The following CEP350 variants were observed in gnomAD, a reference collection of about 807,000 sequenced individuals.
The protein encoded by CEP350 is centrosome-associated protein 350.
CEP350 carries 126 observed loss-of-function variants against 331.8 expected under a neutral mutation model. The observed-to-expected ratio is 0.38, with a 90% CI of 0.33 to 0.44. The LOEUF (loss-of-function observed/expected upper bound fraction) is 0.44, where lower values mean the gene tolerates loss of function less well. Ranked by LOEUF, CEP350 falls within the 20% of genes least tolerant of loss-of-function variation. The pLI is 1.00. For missense variants in CEP350, 3,406 were observed against 3,634.6 expected, an observed-to-expected ratio of 0.94 and a Z score of 1.62; for synonymous variants, 1,200 against 1,259.5, an observed-to-expected ratio of 0.95 and a Z score of 1.00.
At chr1:180,065,491 G>A (rs1319239611) in intron 27 of CEP350, among the ~76,000 whole-genome samples, 3 of 151,900 alleles carry the variant, frequency 2.0e-5, no homozygotes, top group African/African-American at 4.8e-5. Context: ...TTAAAAAACC[G>A]AAAAACAAGG....
intron 1 of CEP350, among the ~76,000 whole-genome samples, chr1:179,974,101 AT>A (rs34660361): frequency 0.57 from 84,770 of 149,668 alleles, 25,808 homozygotes; most frequent in East Asian, 0.71. Context: ...TTGTTTTGAG[AT>A]GGAGTCTCGC....
intron 28 of CEP350, among the ~76,000 whole-genome samples, chr1:180,076,432 A>G (rs1287550406): frequency 1.3e-5 from 2 of 152,230 alleles, no homozygotes; most frequent in Admixed American, 6.5e-5. Flanking sequence ...AATGTGGTGA[A>G]TTACCTTACC....
intron 1 of CEP350, among the ~76,000 whole-genome samples, chr1:179,980,172 G>T (rs1018400998): frequency 1.3e-5 from 2 of 151,890 alleles, no homozygotes; most frequent in Admixed American, 6.6e-5. Context: ...TGAACACAGG[G>T]TGTTTCTCTT....
chr1:180,105,625 TTA>T (rs1661101704), intron 37 of CEP350, among the ~76,000 whole-genome samples: 1 of 152,206 alleles, frequency 6.6e-6, no homozygotes, highest in Non-Finnish European at 1.5e-5. Context: ...TTTTCTGCAT[TTA>T]TTTAAATGAT....
At chr1:179,989,851 G>A (rs1652920653) in intron 3 of CEP350, among the ~76,000 whole-genome samples, 1 of 152,132 alleles carries the variant, frequency 6.6e-6, no homozygotes, top group African/African-American at 2.4e-5. Context: ...ATTTTTGCGT[G>A]TAAAATGCAC....
intron 7 of CEP350, among the ~76,000 whole-genome samples, chr1:180,005,873 A>G (rs1654224369): frequency 6.6e-6 from 1 of 152,192 alleles, no homozygotes. Flanking sequence ...GCAGAACTCT[A>G]CACATATTTT....
intron 25 of CEP350, among the ~76,000 whole-genome samples, chr1:180,056,010 C>T (rs1657815918): frequency 6.6e-6 from 1 of 151,832 alleles, no homozygotes; most frequent in Non-Finnish European, 1.5e-5. Flanking sequence ...ATAAATTTAT[C>T]CCTCATTCTG....
At position 180,094,018 on chromosome 1, in the gene CEP350, A is replaced by G. The variant is rs900206025; in HGVS notation, c.7913A>G (p.Asp2638Gly). Residue 2638 changes from aspartate (D) to glycine (G), a missense_variant, in exon 34 of 38, where the codon GAC (aspartate) becomes GGC (glycine). By Grantham distance (94) the Asp-to-Gly change is moderately conservative. Coordinates refer to ENST00000367607, the MANE Select transcript of CEP350 (RefSeq NM_014810.5). ...NRSRSLKIET[D>G]NVQDISGVLE... ...AGTAGAAGCCTTAAAATAGAAACAG[A>G]CAATGTACAGGACATTTCTGGGGTA... 5.6e-6 allele frequency: 9 copies of G among 1,613,660 alleles called. No individual in the cohort carries two copies. Among genetic ancestry groups the G allele is most frequent in the Non-Finnish European group, 6.8e-6 (8 of 1,179,772 alleles).
intron 24 of CEP350, 117 bp from the exon 25 acceptor site, chr1:180,054,298 C>T (rs1214255899): frequency 9.0e-5 from 78 of 865,502 alleles, no homozygotes; most frequent in Non-Finnish European, 1.8e-5. Flanking sequence ...AACTGCTTTT[C>T]ACATTTGAAA....
chr1:179,996,361 C>T (rs1199003214), intron 5 of CEP350, among the ~76,000 whole-genome samples, 192 bp from the exon 6 acceptor site: 3 of 152,088 alleles, frequency 2.0e-5, no homozygotes, highest in Non-Finnish European at 2.9e-5. Flanking sequence ...GTAGAAACTA[C>T]GTATGTATAG....
At chr1:180,090,545 C>CAAAAAA (rs36128628) in intron 32 of CEP350, among the ~76,000 whole-genome samples, 169 bp from the exon 33 acceptor site, 231 of 77,032 alleles carry the variant, frequency 3.0e-3, no homozygotes, top group African/African-American at 5.1e-3. Flanking sequence ...GACTCCGTCT[C>CAAAAAA]AAAAAAAAAA....
intron 6 of CEP350, 49 bp downstream of exon 6, chr1:179,997,224 T>C (rs1653514493): frequency 1.3e-6 from 2 of 1,553,084 alleles, no homozygotes; most frequent in Non-Finnish European, 1.7e-6. Flanking sequence ...TTTGTTCTTC[T>C]TTCTCCCTAG....
chr1:180,106,168 T>C (rs1335654508), intron 37 of CEP350, among the ~76,000 whole-genome samples: 2 of 152,214 alleles, frequency 1.3e-5, no homozygotes, highest in Admixed American at 1.3e-4. Context: ...AAAATCTCCG[T>C]ACTGTAGGTA....
chr1:180,063,339 G>A (rs1658353823), intron 26 of CEP350, among the ~76,000 whole-genome samples: 1 of 151,758 alleles, frequency 6.6e-6, no homozygotes, highest in Non-Finnish European at 1.5e-5. Flanking sequence ...CTATAGGCAT[G>A]CACCTCCACC....
At chr1:179,963,159 AT>A (rs933886191) in intron 1 of CEP350, among the ~76,000 whole-genome samples, 10 of 146,666 alleles carry the variant, frequency 6.8e-5, no homozygotes, top group Admixed American at 2.0e-4. Context: ...TAATGGAGTT[AT>A]TTTTTTTTTC....
chr1:180,093,513 C>A lies in CEP350; in HGVS notation c.7408C>A (p.Arg2470Ser). 1 of 1,612,636 alleles carries A rather than the reference C, an allele frequency of 6.2e-7. No individual in the cohort carries two copies. The highest frequency in any genetic ancestry group is 8.5e-7 in the Non-Finnish European group (1 of 1,179,126). The change falls in exon 34 of 38, where the codon CGC (arginine) becomes AGC (serine). Residue 2470 changes from arginine (R) to serine (S), a missense_variant. Around this residue, in one of 5 missense-constraint regions of CEP350, gnomAD observed 1,415 missense variants for 1,512.3 expected, o/e 0.94. Transcript: ENST00000367607. ...SPTELMKSKERSDVEHEQQVT... is the reference protein window; with the variant it reads ...SPTELMKSKESSDVEHEQQVT... Reference sequence around the variant, plus strand: ...TACTGAGCTGATGAAAAGTAAGGAGCGCAGTGATGTGGAGCATGAACAGCA... The same window carrying A: ...TACTGAGCTGATGAAAAGTAAGGAGAGCAGTGATGTGGAGCATGAACAGCA...
intron 27 of CEP350, chr1:180,073,977 G>T: frequency 2.4e-6 from 3 of 1,245,594 alleles, no homozygotes; most frequent in Non-Finnish European, 2.1e-6. Context: ...TGTTTTGTTT[G>T]CTTTTCTCTC....
At chr1:180,067,342 G>A (rs1039838297) in intron 27 of CEP350, among the ~76,000 whole-genome samples, 8 of 152,196 alleles carry the variant, frequency 5.3e-5, no homozygotes, top group African/African-American at 1.9e-4. Context: ...GTTTGTGATA[G>A]GAATAGAGTA....
rs545587765 is a variant in CEP350 at position 180,083,828 on chromosome 1, C to T, written c.6125-190C>T. Among the ~76,000 whole-genome samples, 146 of 151,456 alleles carry T rather than the reference C, an allele frequency of 9.6e-4. 1 individual carries two copies. The highest frequency in any genetic ancestry group is 2.6e-3 in the African/African-American group (106 of 41,366). ...CAAGCCAAAAATAAAGTGTATGTGG[C>T]GGGCGGCGGGGAGGGTGGGAATTAT... On this transcript the variant is annotated intron_variant, in intron 30 of 37. Transcript: ENST00000367607.
Sources: allele counts gnomAD v4.1 joint callset (sites outside exome capture counted in the v4.1 genomes callset), GRCh38; gene constraint gnomAD v4.1.1; regional missense constraint gnomAD v4.1.1; transcripts MANE v1.5; gene names NCBI Gene and HGNC (gene_info 2026-07-23, HGNC 2026-07-21).